Variants in TM2D3 observed in about 807,000 individuals in gnomAD.
The protein encoded by TM2D3 is TM2 domain containing 3, also known as TM2 domain-containing protein 3.
TM2D3 carries 33 observed loss-of-function variants against 27.3 expected under a neutral mutation model. The ratio of observed to expected loss-of-function variants is 1.21; its 90% CI spans 0.92 to 1.61. The LOEUF is 1.61. Ranked by LOEUF, TM2D3 falls within the 40% of genes most tolerant of loss-of-function variation. The pLI is 0.00. For synonymous variants in TM2D3, 138 were observed against 122.2 expected (o/e 1.13, Z -0.85); for missense variants, 364 against 320.8 (o/e 1.13, Z -1.03).
chr15:101,643,246 T>C (rs1016982080), intron 5 of TM2D3, among the ~76,000 whole-genome samples: 1 of 152,144 alleles, frequency 6.6e-6, no homozygotes, highest in Admixed American at 6.6e-5. Flanking sequence ...AACCCTCCTC[T>C]TTCCCCTCCA....
In TM2D3 at chr15:101,649,992, T is replaced by C. The variant is rs1208768515; in HGVS notation, c.327+12A>G. 1 of 1,610,774 alleles carries C rather than the reference T, an allele frequency of 6.2e-7. No homozygotes were observed. Among genetic ancestry groups the C allele is most frequent in the Non-Finnish European group, 8.5e-7 (1 of 1,178,254 alleles). ...ATGAATTTATTTAGAATAAGTAAGC[T>C]GCAGTACTTACAACACAGGTAACAG... On this transcript the variant is annotated intron_variant, in intron 3 of 5. Transcript: ENST00000333202.
Position 101,642,360 on chromosome 15 carries a change from A to C in TM2D3, c.*119T>G, listed in dbSNP as rs768412266. On this transcript the variant is annotated 3_prime_UTR_variant, in exon 6 of 6. Transcript: ENST00000333202. ...TCATTTATCTTACCTTTATCAAGGC[A>C]AACAAAGTACAGATGCTGTACATTA... The C allele has an allele frequency of 8.9e-6, 12 of 1,354,940 alleles. No individual in the cohort carries two copies. Among genetic ancestry groups the C allele is most frequent in the Non-Finnish European group, 1.0e-5 (11 of 1,049,002 alleles). 83.9% of individuals were successfully genotyped at this position (1,354,940 alleles called of 1,614,324 possible).
intron 3 of TM2D3, 79 bp downstream of exon 3, chr15:101,649,925 C>T (rs1348165254): frequency 4.5e-6 from 6 of 1,328,866 alleles, no homozygotes; most frequent in Non-Finnish European, 5.2e-6. Flanking sequence ...AATTTCTTCC[C>T]AATAATCAAG....
intron 5 of TM2D3, among the ~76,000 whole-genome samples, chr15:101,644,269 AG>A (rs1345985251): frequency 6.6e-6 from 1 of 152,138 alleles, no homozygotes; most frequent in Non-Finnish European, 1.5e-5. Context: ...GTTCTCAGCA[AG>A]GGGCAATTTT....
At chr15:101,635,959 C>T (rs1896542735) in intron 4 of TM2D3, 1 of 151,876 alleles carries the variant, frequency 6.6e-6, no homozygotes, top group Non-Finnish European at 1.5e-5. Context: ...GGTTACTGAG[C>T]CGTTTCTTTT....
At chr15:101,635,798 T>C (rs1304670472) in intron 4 of TM2D3, 2 of 152,192 alleles carry the variant, frequency 1.3e-5, no homozygotes, top group Admixed American at 6.5e-5. Context: ...AAGTGTTCTA[T>C]AGTACAGAGT....
intron 4 of TM2D3, chr15:101,634,560 G>A (rs1896515822): frequency 1.3e-5 from 2 of 152,164 alleles, no homozygotes; most frequent in African/African-American, 4.8e-5. Flanking sequence ...GGCAAAGATA[G>A]AAAAATGCTG....
At chr15:101,643,729 G>A (rs192892920) in intron 5 of TM2D3, among the ~76,000 whole-genome samples, 5 of 151,584 alleles carry the variant, frequency 3.3e-5, no homozygotes, top group South Asian at 2.1e-4. Context: ...ACCAGGTTAG[G>A]GGTATATAAG....
At chr15:101,641,544 T>G (rs1896668777), downstream of TM2D3, among the ~76,000 whole-genome samples, 1 of 152,248 alleles carries the variant, frequency 6.6e-6, no homozygotes, top group South Asian at 2.1e-4. Context: ...ACACAAGTGT[T>G]TAAAAAGCAG....
chr15:101,649,291 T>C (rs1367361541), intron 3 of TM2D3, among the ~76,000 whole-genome samples: 5 of 152,200 alleles, frequency 3.3e-5, no homozygotes, highest in African/African-American at 1.2e-4. Context: ...TTGCCATGTC[T>C]TTTGCCTTTA....
Position 101,642,183 on chromosome 15 carries a change from G to C in TM2D3, c.*296C>G. 9.5e-7 allele frequency: 1 copy of C among 1,054,054 alleles called. No homozygotes were observed. Among genetic ancestry groups the C allele is most frequent in the Non-Finnish European group, 1.1e-6 (1 of 874,912 alleles). 65.3% of individuals were successfully genotyped at this position (1,054,054 alleles called of 1,614,324 possible). ...AGATACAAGTGATGTAGTTTGACTT[G>C]GGCAATACAAAACAAAAGTCATAGG... On this transcript the variant is annotated 3_prime_UTR_variant, in exon 6 of 6. Coordinates refer to ENST00000333202, the MANE Select transcript of TM2D3 (RefSeq NM_078474.3).
exon 5 of TM2D3, chr15:101,633,032 A>C (rs2141353787): frequency 6.6e-6 from 1 of 152,346 alleles, no homozygotes; most frequent in African/African-American, 2.4e-5. Context: ...AAGTGCTGAA[A>C]GAAAAAGAAA....
In TM2D3 at chr15:101,642,498, T is replaced by C. The variant is rs1463536689; in HGVS notation, c.725A>G (p.Asp242Gly). 6.2e-7 allele frequency: 1 copy of C among 1,612,570 alleles called. No individual in the cohort carries two copies. Among genetic ancestry groups the C allele is most frequent in the Admixed American group, 1.7e-5 (1 of 59,844 alleles). ...LIGVGYVGPA[D>G]GSLYI ...CCACAGCTAAATGTACAAAGAGCCA[T>C]CTGCTGGTCCAACATAGCCAACTCC... The change falls in exon 6 of 6, where the codon GAT becomes GGT. Residue 242 changes from aspartate (D) to glycine (G), a missense_variant. Transcript: ENST00000333202.
intron 3 of TM2D3, among the ~76,000 whole-genome samples, chr15:101,649,638 C>T (rs1896916705): frequency 6.6e-6 from 1 of 152,200 alleles, no homozygotes. Flanking sequence ...AAAGACACTG[C>T]CACCCCCTCT....
chr15:101,649,074 G>A (rs1486610621), intron 3 of TM2D3, among the ~76,000 whole-genome samples: 1 of 152,118 alleles, frequency 6.6e-6, no homozygotes, highest in Non-Finnish European at 1.5e-5. Context: ...GGTTAAAAAT[G>A]TATTAATTAA....
In TM2D3 at chr15:101,645,045, A is replaced by G. The variant is rs779089392; in HGVS notation, c.578+42T>C. On this transcript the variant is annotated intron_variant, in intron 5 of 5. Transcript: ENST00000333202. ...TCTGAAGATTCCACCAATCCCAAAGAAATGCAAACGGCCTTTTACACTTAC... is the reference window on the plus strand; with the variant it reads ...TCTGAAGATTCCACCAATCCCAAAGGAATGCAAACGGCCTTTTACACTTAC... 13 of 1,560,008 alleles carry G rather than the reference A, an allele frequency of 8.3e-6. No individual in the cohort carries two copies. In the Admixed American group the frequency reaches 2.2e-4, roughly 27 times the overall value.
chr15:101,650,283 C>A, intron 2 of TM2D3, 122 bp from the exon 3 acceptor site: 1 of 1,021,332 alleles, frequency 9.8e-7, no homozygotes, highest in Non-Finnish European at 1.4e-6. Context: ...AGGGAAGAAG[C>A]ATGGGACTGG....
intron 4 of TM2D3, chr15:101,645,374 G>A: frequency 1.8e-6 from 1 of 567,550 alleles, no homozygotes. Context: ...TGAGGAACAT[G>A]AAATGCTCAC....
intron 5 of TM2D3, among the ~76,000 whole-genome samples, chr15:101,644,264 C>T (rs1459070691): frequency 6.6e-6 from 1 of 152,192 alleles, no homozygotes; most frequent in African/African-American, 2.4e-5. Context: ...CAGTGGTTCT[C>T]AGCAAGGGGC....
Sources: allele counts gnomAD v4.1 joint callset (sites outside exome capture counted in the v4.1 genomes callset), GRCh38; gene constraint gnomAD v4.1.1; transcripts MANE v1.5; gene names NCBI Gene and HGNC (gene_info 2026-07-23, HGNC 2026-07-21).